FAT4: variants seen among roughly 807,000 people sequenced by gnomAD.
The protein encoded by FAT4 is FAT atypical cadherin 4.
A neutral mutation model predicts 303.9 loss-of-function variants in FAT4; 84 were observed. The observed-to-expected ratio is 0.28, with a 90% CI of 0.23 to 0.33. The LOEUF (loss-of-function observed/expected upper bound fraction) is 0.33, where lower values mean the gene tolerates loss of function less well. Ranked by LOEUF, FAT4 falls within the 10% of genes least tolerant of loss-of-function variation. The pLI is 1.00. For missense variants in FAT4, 6,005 were observed against 6,146.8 expected (o/e 0.98, Z 0.77); for synonymous variants, 2,307 against 2,298.8 (o/e 1.00, Z -0.10).
intron 16 of FAT4, among the ~76,000 whole-genome samples, chr4:125,487,033 G>A (rs1006631071): frequency 6.6e-6 from 1 of 151,848 alleles, no homozygotes; most frequent in Non-Finnish European, 1.5e-5. Context: ...AATTTAAAAA[G>A]GTATAATTTA....
In FAT4 at chr4:125,372,074, T is replaced by G. The variant is rs139219829; in HGVS notation, c.5176-26710T>G. 1.7e-3 allele frequency among the ~76,000 whole-genome samples: 258 copies of G among 152,116 alleles called. 3 individuals are homozygous for G. The highest frequency in any genetic ancestry group is 5.7e-3 in the African/African-American group (237 of 41,502). On this transcript the variant is annotated intron_variant, in intron 2 of 17. Transcript: ENST00000394329. ...AAAAACGTTGAATCAAGGCTGGGCA[T>G]AGTGGCTCATACCTGTAATCCCAAC...
intron 4 of FAT4, among the ~76,000 whole-genome samples, chr4:125,407,466 T>C (rs952527648): frequency 9.0e-5 from 8 of 89,314 alleles, no homozygotes; most frequent in African/African-American, 1.3e-4. Context: ...GGGCTATGTA[T>C]AAAAAGAACA....
intron 10 of FAT4, 60 bp downstream of exon 10, chr4:125,452,870 GA>G (rs1298858606): frequency 1.3e-5 from 20 of 1,496,720 alleles, no homozygotes; most frequent in Non-Finnish European, 1.8e-5. Flanking sequence ...ATATTGAAAC[GA>G]AATAATTTTA....
chr4:125,391,128 G>C (rs1324610809), intron 2 of FAT4, among the ~76,000 whole-genome samples: 1 of 152,134 alleles, frequency 6.6e-6, no homozygotes, highest in African/African-American at 2.4e-5. Flanking sequence ...CAAGGATCTA[G>C]AATCAGAAGT....
intron 2 of FAT4, among the ~76,000 whole-genome samples, chr4:125,335,769 T>G (rs1731548261): frequency 6.6e-6 from 1 of 152,016 alleles, no homozygotes. Context: ...CAGAATAGTT[T>G]TGTTCAAATA....
At chr4:125,486,946 T>C (rs1487277356) in intron 16 of FAT4, among the ~76,000 whole-genome samples, 1 of 152,192 alleles carries the variant, frequency 6.6e-6, no homozygotes, top group Non-Finnish European at 1.5e-5. Flanking sequence ...TTTTCACAAT[T>C]TTTTAGTACT....
At chr4:125,337,781 A>G (rs1044896561) in intron 2 of FAT4, among the ~76,000 whole-genome samples, 1 of 149,154 alleles carries the variant, frequency 6.7e-6, no homozygotes, top group Non-Finnish European at 1.5e-5. Context: ...GGAACTTGGG[A>G]AGAAAAATAA....
Position 125,317,246 on chromosome 4 carries a change from G to A in FAT4, c.835G>A (p.Glu279Lys), listed in dbSNP as rs373298045. 1.4e-5 allele frequency: 22 copies of A among 1,579,698 alleles called. No homozygotes were observed. The highest frequency in any genetic ancestry group is 7.0e-5 in the South Asian group (6 of 86,134). Reference sequence around the variant, plus strand: ...CCAGGTGGCGGCGGCGGACGCGGACGAGGGCACCAACGCGGACATCCGCTA... The same window carrying A: ...CCAGGTGGCGGCGGCGGACGCGGACAAGGGCACCAACGCGGACATCCGCTA... Reference protein sequence around the residue: ...VLQVAAADADEGTNADIRYRL... With the variant: ...VLQVAAADADKGTNADIRYRL... The change falls in exon 2 of 18, where the codon GAG becomes AAG. Residue 279 changes from glutamate to lysine, a missense_variant. Glu to Lys is a moderately conservative substitution (Grantham distance 56). Transcript: ENST00000394329. The surrounding 1 kb of genome is among the most constrained non-coding windows in gnomAD (Gnocchi z 7.0).
At chr4:125,475,912 CAG>C (rs1370652270) in intron 12 of FAT4, among the ~76,000 whole-genome samples, 2 of 151,888 alleles carry the variant, frequency 1.3e-5, no homozygotes, top group East Asian at 1.9e-4. Flanking sequence ...ACCTATAAAA[CAG>C]GGGAGCAGGA....
At chr4:125,486,143 CTTT>C (rs532857051) in intron 16 of FAT4, among the ~76,000 whole-genome samples, 1 of 139,070 alleles carries the variant, frequency 7.2e-6, no homozygotes, top group Non-Finnish European at 1.6e-5. Context: ...AAGGCTTTTC[CTTT>C]TTTTTTTTTT....
intron 7 of FAT4, among the ~76,000 whole-genome samples, chr4:125,425,625 T>G (rs2126036612): frequency 6.6e-6 from 1 of 152,216 alleles, no homozygotes; most frequent in South Asian, 2.1e-4. Flanking sequence ...AAAGCGAATC[T>G]TAGATATTAT....
rs2125938960 is a variant in FAT4 at position 125,317,045 on chromosome 4, G to T, written c.634G>T (p.Val212Phe). ...LVSKGGLDRE[V>F]TPQYQLLVEV... ...GTCCAAGGGCGGACTGGACCGTGAG[G>T]TCACTCCGCAGTACCAGCTCCTGGT... Residue 212 changes from valine (V) to phenylalanine (F), a missense_variant, in exon 2 of 18, where the codon GTC becomes TTC. By Grantham distance (50) the Val-to-Phe change is conservative. Transcript: ENST00000394329. The surrounding 1 kb of genome is among the most constrained non-coding windows in gnomAD (Gnocchi z 7.0). The T allele has an allele frequency of 1.9e-6, 3 of 1,614,048 alleles. No individual in the cohort carries two copies. The highest frequency in any genetic ancestry group is 2.5e-6 in the Non-Finnish European group (3 of 1,180,044).
At chr4:125,350,499 T>C (rs925978789) in intron 2 of FAT4, among the ~76,000 whole-genome samples, 1 of 151,728 alleles carries the variant, frequency 6.6e-6, no homozygotes, top group Non-Finnish European at 1.5e-5. Context: ...AGAATCCAGT[T>C]TGGTCTTTGT....
At chr4:125,348,757 C>A (rs991004239) in intron 2 of FAT4, among the ~76,000 whole-genome samples, 4 of 151,566 alleles carry the variant, frequency 2.6e-5, no homozygotes, top group Admixed American at 6.6e-5. Flanking sequence ...TAATTGTGAT[C>A]GAAGCCGACA....
chr4:125,433,661 T>C (rs921744910), intron 7 of FAT4, among the ~76,000 whole-genome samples: 3 of 152,240 alleles, frequency 2.0e-5, no homozygotes, highest in African/African-American at 7.2e-5. Flanking sequence ...CACATGATTC[T>C]GAGTTAGCTC....
intron 2 of FAT4, among the ~76,000 whole-genome samples, chr4:125,345,723 T>C (rs753544893): frequency 5.3e-5 from 8 of 152,090 alleles, no homozygotes; most frequent in Non-Finnish European, 1.0e-4. Flanking sequence ...TTATATAACT[T>C]ACCTTATTAG....
At chr4:125,488,304 TTGGTCTTATTTACAGAGCAA>T (rs1727483542) in intron 17 of FAT4, among the ~76,000 whole-genome samples, 3 of 152,212 alleles carry the variant, frequency 2.0e-5, no homozygotes, top group African/African-American at 7.2e-5. Flanking sequence ...TGTTGCAGTT[TTGGTCTTATTTACAGAGCAA>T]TGGGAAGTAA....
At chr4:125,331,287 GC>G (rs1731372099) in intron 2 of FAT4, among the ~76,000 whole-genome samples, 1 of 152,168 alleles carries the variant, frequency 6.6e-6, no homozygotes, top group Admixed American at 6.5e-5. Flanking sequence ...TCATTGATAA[GC>G]TAAGGATTTA....
intron 2 of FAT4, among the ~76,000 whole-genome samples, chr4:125,378,291 G>A (rs1335240837): frequency 1.3e-5 from 2 of 152,120 alleles, no homozygotes; most frequent in Non-Finnish European, 2.9e-5. Context: ...TGAAAGCGGA[G>A]TACGTGGTTG....
Sources: allele counts gnomAD v4.1 joint callset (sites outside exome capture counted in the v4.1 genomes callset), GRCh38; gene constraint gnomAD v4.1.1; non-coding constraint Gnocchi (gnomAD v3.1); transcripts MANE v1.5; gene names NCBI Gene and HGNC (gene_info 2026-07-23, HGNC 2026-07-21).